Variants in SH3PXD2A observed in about 807,000 individuals in gnomAD.
SH3PXD2A encodes SH3 and PX domain-containing protein 2A.
Under a neutral mutation model 115.2 loss-of-function variants are expected in SH3PXD2A, and 32 were observed. That is an observed-to-expected ratio of 0.28 (90% CI 0.21 to 0.37). The LOEUF is 0.37. SH3PXD2A is among the 10% of genes least tolerant of loss of function. The pLI is 1.00. For synonymous variants in SH3PXD2A, 610 were observed against 629.1 expected, an observed-to-expected ratio of 0.97 and a Z score of 0.45; for missense variants, 1,328 against 1,498.7, an observed-to-expected ratio of 0.89 and a Z score of 1.88.
At chr10:103,630,319 G>A (rs754884675) in intron 8 of SH3PXD2A, among the ~76,000 whole-genome samples, 69 of 152,210 alleles carry the variant, frequency 4.5e-4, no homozygotes, top group Admixed American at 2.6e-3. Flanking sequence ...AGTCCCAGCT[G>A]TTCTCCCACA....
intron 10 of SH3PXD2A, among the ~76,000 whole-genome samples, chr10:103,619,083 A>G (rs11191749): frequency 0.17 from 26,275 of 152,242 alleles, 2,583 homozygotes; most frequent in Non-Finnish European, 0.22. Flanking sequence ...AGGATTTTTC[A>G]GTACGCCCTT....
chr10:103,829,251 G>T (rs772610792), intron 1 of SH3PXD2A, among the ~76,000 whole-genome samples: 1 of 152,168 alleles, frequency 6.6e-6, no homozygotes, highest in Non-Finnish European at 1.5e-5. Flanking sequence ...TGCAAACAAA[G>T]GAGCCATCTA....
At chr10:103,818,121 T>C (rs1291156829) in intron 1 of SH3PXD2A, among the ~76,000 whole-genome samples, 1 of 152,218 alleles carries the variant, frequency 6.6e-6, no homozygotes, top group Non-Finnish European at 1.5e-5. Context: ...AGGGAGACAA[T>C]GTACCTCTTG....
Position 103,850,287 on chromosome 10 carries a change from C to T in SH3PXD2A, c.72+4908G>A, listed in dbSNP as rs560609939. Among the ~76,000 whole-genome samples, 578 of 152,246 alleles carry T rather than the reference C, an allele frequency of 3.8e-3. 1 individual carries two copies. Among genetic ancestry groups the T allele is most frequent in the South Asian group, 0.018 (89 of 4,818 alleles). On this transcript the variant is annotated intron_variant, in intron 1 of 14. Transcript: ENST00000369774. ...GTAATTTCTACCCTGGTTTGCCCCC[C>T]AAAAGCCCTCACTCAGCTCAACACA...
At chr10:103,745,981 C>T (rs1314131599) in intron 3 of SH3PXD2A, 1 of 152,338 alleles carries the variant, frequency 6.6e-6, no homozygotes, top group Non-Finnish European at 1.5e-5. Flanking sequence ...CTTGCAAAAG[C>T]CCACTGGGGT....
Position 103,594,552 on chromosome 10 carries a change from T to C in SH3PXD2A, c.*7264A>G, listed in dbSNP as rs771397080. 12 of 152,278 alleles carry C rather than the reference T, an allele frequency of 7.9e-5. No individual in the cohort carries two copies. The highest frequency in any genetic ancestry group is 1.6e-4 in the Non-Finnish European group (11 of 68,056). 9.4% of individuals were successfully genotyped at this position (152,278 alleles called of 1,614,324 possible). The stretch of plus-strand genomic sequence containing the variant: ...AGTCCACATGCTCACGCTTCAGGGA[T>C]TACTGAAGTCTGCCTTGCCCGGGAG... On this transcript the variant is annotated 3_prime_UTR_variant, in exon 15 of 15. Coordinates refer to ENST00000369774, the MANE Select transcript of SH3PXD2A (RefSeq NM_001394015.1).
At chr10:103,640,540 A>G (rs535627203) in intron 8 of SH3PXD2A, among the ~76,000 whole-genome samples, 6 of 152,210 alleles carry the variant, frequency 3.9e-5, no homozygotes, top group Non-Finnish European at 7.4e-5. Flanking sequence ...GGCCGCAGAG[A>G]AGGGTCCCAA....
chr10:103,683,283 C>T (rs540325476), intron 6 of SH3PXD2A, among the ~76,000 whole-genome samples: 6 of 152,246 alleles, frequency 3.9e-5, no homozygotes, highest in South Asian at 2.1e-4. Context: ...GAGGCTGAGG[C>T]GGGTGGACTG....
At chr10:103,612,386 T>G (rs932130724) in intron 12 of SH3PXD2A, among the ~76,000 whole-genome samples, 5 of 152,212 alleles carry the variant, frequency 3.3e-5, no homozygotes, top group Non-Finnish European at 7.4e-5. Flanking sequence ...AAGACGTTTC[T>G]CTACAGACTG....
Position 103,666,569 on chromosome 10 carries a change from A to G in SH3PXD2A, c.472+2039T>C, listed in dbSNP as rs1017259398. On this transcript the variant is annotated intron_variant, in intron 7 of 14. Coordinates refer to ENST00000369774, the MANE Select transcript of SH3PXD2A (RefSeq NM_001394015.1). The surrounding 1 kb of genome is among the most constrained non-coding windows in gnomAD (Gnocchi z 4.5). ...TAATTACCTGAAATTCATGATGGAA[A>G]TGCTTAGAATTAGAGTCCAAAGGTC... Among the ~76,000 whole-genome samples the G allele has an allele frequency of 6.6e-6, 1 of 152,194 alleles. No individual in the cohort carries two copies. The highest frequency in any genetic ancestry group is 6.5e-5 in the Admixed American group (1 of 15,284).
chr10:103,677,662 A>C (rs114524367), intron 6 of SH3PXD2A, among the ~76,000 whole-genome samples: 3,330 of 152,290 alleles, frequency 0.022, 113 homozygotes, highest in African/African-American at 0.075. Flanking sequence ...CTATAGTCCT[A>C]GCAAGCGCAT....
intron 8 of SH3PXD2A, among the ~76,000 whole-genome samples, chr10:103,659,628 G>A (rs1235465132): frequency 1.3e-5 from 2 of 152,188 alleles, no homozygotes; most frequent in Non-Finnish European, 2.9e-5. Flanking sequence ...GAAAGGTTGA[G>A]GCCTCACAGC....
At chr10:103,847,627 A>G (rs1589483370) in intron 1 of SH3PXD2A, among the ~76,000 whole-genome samples, 1 of 152,176 alleles carries the variant, frequency 6.6e-6, no homozygotes, top group East Asian at 1.9e-4. Flanking sequence ...GCCCAGCTGA[A>G]GCACTGCATT....
chr10:103,688,304 G>A (rs775984634), intron 6 of SH3PXD2A, among the ~76,000 whole-genome samples: 10 of 152,186 alleles, frequency 6.6e-5, no homozygotes, highest in Non-Finnish European at 1.0e-4. Flanking sequence ...ACTCATTCAT[G>A]CATGCTTTCT....
At chr10:103,769,274 A>G (rs1417741292) in intron 2 of SH3PXD2A, among the ~76,000 whole-genome samples, 4 of 151,978 alleles carry the variant, frequency 2.6e-5, no homozygotes, top group Non-Finnish European at 5.9e-5. Context: ...TTGCATAATC[A>G]TTACCCAATA....
At chr10:103,674,216 A>T (rs2134089774) in intron 6 of SH3PXD2A, among the ~76,000 whole-genome samples, 1 of 152,288 alleles carries the variant, frequency 6.6e-6, no homozygotes, top group East Asian at 1.9e-4. Flanking sequence ...GCCATCAAAT[A>T]ATTAGGGCCT....
At chr10:103,612,002 A>G (rs190782691) in intron 12 of SH3PXD2A, among the ~76,000 whole-genome samples, 107 of 152,328 alleles carry the variant, frequency 7.0e-4, no homozygotes, top group Admixed American at 3.2e-3. Flanking sequence ...AGAAGCTAGC[A>G]TAATGCCAGG....
chr10:103,609,824 A>G (rs557992266), intron 13 of SH3PXD2A: 2 of 152,372 alleles, frequency 1.3e-5, no homozygotes, highest in South Asian at 4.1e-4. Context: ...AGCTTGGTGT[A>G]GCAGGAAGAC....
intron 2 of SH3PXD2A, among the ~76,000 whole-genome samples, chr10:103,775,448 C>G (rs2038868499): frequency 6.6e-6 from 1 of 152,092 alleles, no homozygotes; most frequent in African/African-American, 2.4e-5. Context: ...TAGGAAAGGA[C>G]AAGATCAGTG....
Sources: allele counts gnomAD v4.1 joint callset (sites outside exome capture counted in the v4.1 genomes callset), GRCh38; gene constraint gnomAD v4.1.1; non-coding constraint Gnocchi (gnomAD v3.1); transcripts MANE v1.5; gene names NCBI Gene and HGNC (gene_info 2026-07-23, HGNC 2026-07-21).